CDH13: variants seen among roughly 807,000 people sequenced by gnomAD.
The protein encoded by CDH13 is cadherin 13, also known as cadherin-13.
CDH13 carries 24 observed loss-of-function variants against 63.8 expected under a neutral mutation model. That is an observed-to-expected ratio of 0.38 (90% CI 0.27 to 0.53). CDH13 has a LOEUF of 0.53. Ranked by LOEUF, CDH13 falls within the 20% of genes least tolerant of loss-of-function variation. CDH13 has a pLI of 0.85. For missense variants in CDH13, 1,049 were observed against 903.1 expected (o/e 1.16, Z -2.07); for synonymous variants, 503 against 355.3 (o/e 1.42, Z -4.67).
chr16:83,500,255 C>T (rs1053969196), intron 7 of CDH13, among the ~76,000 whole-genome samples: 1 of 2,766 alleles, frequency 3.6e-4, no homozygotes, highest in African/African-American at 4.7e-4. Context: ...TCTTCTTCTT[C>T]TTCTTCTTCT....
At chr16:83,463,267 A>T (rs765642816) in intron 6 of CDH13, among the ~76,000 whole-genome samples, 1 of 152,238 alleles carries the variant, frequency 6.6e-6, no homozygotes, top group Non-Finnish European at 1.5e-5. Flanking sequence ...TGCATCAGCC[A>T]GGATGGGCCA....
intron 4 of CDH13, among the ~76,000 whole-genome samples, chr16:83,141,565 T>C (rs2036531072): frequency 6.6e-6 from 1 of 152,202 alleles, no homozygotes; most frequent in Admixed American, 6.5e-5. Flanking sequence ...GTTTGTTACA[T>C]AGGTATACAT....
chr16:83,209,376 G>T (rs1315184970), intron 4 of CDH13, among the ~76,000 whole-genome samples: 1 of 152,138 alleles, frequency 6.6e-6, no homozygotes, highest in Admixed American at 6.5e-5. Context: ...GCTTGGAACA[G>T]ACATCCGGGT....
At position 83,167,496 on chromosome 16, in the gene CDH13, T is replaced by TC. The variant is rs1442473128; in HGVS notation, c.483+41998dup. Among the ~76,000 whole-genome samples the TC allele has an allele frequency of 1.9e-4, 17 of 91,126 alleles. No homozygotes were observed. The East Asian group carries it at 5.3e-3, about 29-fold the overall frequency. 59.8% of individuals were successfully genotyped at this position (91,126 alleles called of 152,430 possible). On this transcript the variant is annotated intron_variant, in intron 4 of 13. Transcript: ENST00000567109. ...GCCTGAGGGACAGAGTGAGACCCTT[T>TC]CCCAAAAAAAAAAAAAAAAAAAAAA...
intron 6 of CDH13, among the ~76,000 whole-genome samples, chr16:83,389,344 G>T (rs533914252): frequency 2.6e-5 from 4 of 152,230 alleles, no homozygotes; most frequent in African/African-American, 9.6e-5. Context: ...ACCAAAATGA[G>T]ATCGTACCAT....
chr16:82,703,752 G>C (rs2031248182), intron 1 of CDH13, among the ~76,000 whole-genome samples: 1 of 152,022 alleles, frequency 6.6e-6, no homozygotes, highest in African/African-American at 2.4e-5. Context: ...GTGCCTTCTG[G>C]CTGCCCCCTC....
At chr16:83,424,502 T>C in intron 6 of CDH13, among the ~76,000 whole-genome samples, 1 of 152,168 alleles carries the variant, frequency 6.6e-6, no homozygotes, top group South Asian at 2.1e-4. Context: ...CCTCTCTTGA[T>C]TATTTTTTTT....
chr16:82,981,569 G>A lies in CDH13; in HGVS notation c.158-50441G>A, dbSNP rs565342950. On this transcript the variant is annotated intron_variant, in intron 2 of 13. Coordinates refer to ENST00000567109, the MANE Select transcript of CDH13 (RefSeq NM_001257.5). ...CTTCCCCTGCTGGTCCAGGCAAGGAGCCTGTTCCAGCATTTGGTTCTTTCT... is the reference window on the plus strand; with the variant it reads ...CTTCCCCTGCTGGTCCAGGCAAGGAACCTGTTCCAGCATTTGGTTCTTTCT... 3.9e-5 allele frequency among the ~76,000 whole-genome samples: 6 copies of A among 152,256 alleles called. No individual in the cohort carries two copies. In the South Asian group the frequency reaches 1.0e-3, roughly 26 times the overall value.
At chr16:82,987,442 T>C (rs1035138129) in intron 2 of CDH13, among the ~76,000 whole-genome samples, 3 of 152,160 alleles carry the variant, frequency 2.0e-5, no homozygotes, top group African/African-American at 7.2e-5. Flanking sequence ...AGTGTCACGA[T>C]CCTGGCTCAT....
chr16:82,873,689 T>G (rs1442322106), intron 2 of CDH13, among the ~76,000 whole-genome samples: 1 of 152,208 alleles, frequency 6.6e-6, no homozygotes, highest in Admixed American at 6.5e-5. Context: ...ATGCAATATT[T>G]TTATTTTAAA....
chr16:83,456,134 G>A (rs2073019013), intron 6 of CDH13, among the ~76,000 whole-genome samples: 1 of 152,230 alleles, frequency 6.6e-6, no homozygotes, highest in Admixed American at 6.5e-5. Context: ...CCAGTGGGGA[G>A]TCACCTGTGT....
rs146981578 is a variant in CDH13, at chr16:83,680,202, A to G, written c.1538+1741A>G. On this transcript the variant is annotated intron_variant, in intron 10 of 13. Transcript: ENST00000567109. Reference sequence around the variant, plus strand: ...GTTCAGGATCTCACAGTGAGAATAAACCAGCTCCAGCTGTTTTCCATTCTA... The same window carrying G: ...GTTCAGGATCTCACAGTGAGAATAAGCCAGCTCCAGCTGTTTTCCATTCTA... Among the ~76,000 whole-genome samples the G allele has an allele frequency of 9.1e-4, 138 of 152,258 alleles. 2 individuals carry two copies. In the East Asian group the frequency reaches 0.025, roughly 27 times the overall value.
chr16:83,270,464 C>A (rs1165298362), intron 5 of CDH13, among the ~76,000 whole-genome samples: 1 of 152,072 alleles, frequency 6.6e-6, no homozygotes, highest in African/African-American at 2.4e-5. Flanking sequence ...AGTAAGCCAC[C>A]CCCATTGTGA....
intron 7 of CDH13, among the ~76,000 whole-genome samples, chr16:83,538,819 G>A (rs12927772): frequency 0.36 from 55,262 of 151,932 alleles, 11,296 homozygotes; most frequent in Non-Finnish European, 0.45. Flanking sequence ...TATCCAGCTT[G>A]GATACCTGGA....
chr16:82,846,447 G>C (rs922663862), intron 1 of CDH13, among the ~76,000 whole-genome samples: 2 of 152,042 alleles, frequency 1.3e-5, no homozygotes, highest in African/African-American at 4.8e-5. Flanking sequence ...CATTTGATTT[G>C]TGTTTACTCA....
rs1598290387 is a variant in CDH13, at chr16:83,560,640, A to G, written c.961-41814A>G. 2.0e-5 allele frequency among the ~76,000 whole-genome samples: 3 copies of G among 152,194 alleles called. No individual in the cohort carries two copies. In the East Asian group the frequency reaches 5.8e-4, roughly 29 times the overall value. On this transcript the variant is annotated intron_variant, in intron 7 of 13. Transcript: ENST00000567109. Reference sequence around the variant, plus strand: ...TGTTTCTCTGTAATGTTGATGAGAAAACAAAAATGGTCATTGGTCCCTGGG... The same window carrying G: ...TGTTTCTCTGTAATGTTGATGAGAAGACAAAAATGGTCATTGGTCCCTGGG...
At chr16:82,931,843 C>A (rs12447834) in intron 2 of CDH13, among the ~76,000 whole-genome samples, 2 of 151,928 alleles carry the variant, frequency 1.3e-5, no homozygotes, top group Admixed American at 1.3e-4. Flanking sequence ...CACATGGTCC[C>A]ACCTACAACA....
intron 1 of CDH13, among the ~76,000 whole-genome samples, chr16:82,668,177 C>T (rs1025701417): frequency 2.0e-5 from 3 of 152,084 alleles, no homozygotes; most frequent in Admixed American, 1.3e-4. Flanking sequence ...GGGCTTGTAG[C>T]TTTCCAGTTC....
intron 2 of CDH13, among the ~76,000 whole-genome samples, chr16:83,027,113 C>A (rs989398219): frequency 4.6e-5 from 6 of 129,814 alleles, no homozygotes; most frequent in Admixed American, 7.8e-5. Flanking sequence ...CCCCCCCCCC[C>A]CACCGCCCCG....
Sources: gnomAD v4.1 joint callset for allele counts (sites outside exome capture counted in the v4.1 genomes callset) on GRCh38, gnomAD v4.1.1 for gene constraint, MANE v1.5 for transcripts, NCBI Gene and HGNC (gene_info 2026-07-23, HGNC 2026-07-21) for gene names.